METTL15: variants seen among roughly 807,000 people sequenced by gnomAD.
METTL15 encodes 12S rRNA N(4)-cytidine methyltransferase METTL15.
A neutral mutation model predicts 38.3 loss-of-function variants in METTL15; 34 were observed. That is an observed-to-expected ratio of 0.89 (90% CI 0.68 to 1.18). METTL15 has a LOEUF of 1.18. METTL15 is among the 50% of genes most tolerant of loss of function. METTL15 has a pLI of 0.00. For missense variants in METTL15, 438 were observed against 498.4 expected (o/e 0.88, Z 1.15); for synonymous variants, 162 against 170.9 (o/e 0.95, Z 0.41).
At chr11:28,325,966 T>G (rs891458843) in intron 6 of METTL15, among the ~76,000 whole-genome samples, 1 of 152,256 alleles carries the variant, frequency 6.6e-6, no homozygotes, top group Non-Finnish European at 1.5e-5. Flanking sequence ...ACAAAGTCCA[T>G]TGATGGACTA....
At chr11:28,402,661 A>G (rs966640685) in intron 5 of METTL15, among the ~76,000 whole-genome samples, 1 of 151,922 alleles carries the variant, frequency 6.6e-6, no homozygotes, top group African/African-American at 2.4e-5. Flanking sequence ...TAATTTTAAA[A>G]TTTCTAACTT....
chr11:28,474,090 A>T (rs1851324833), intron 6 of METTL15, among the ~76,000 whole-genome samples: 1 of 152,000 alleles, frequency 6.6e-6, no homozygotes. Flanking sequence ...ACATGGAGAG[A>T]TGCACACAAA....
Position 28,194,172 on chromosome 11 carries a change from CTT to C in METTL15, c.271-16886_271-16885del, listed in dbSNP as rs773497873. On this transcript the variant is annotated intron_variant, in intron 3 of 6. Transcript: ENST00000407364. ...TCTTTCTTTCTTTCTTTCTTTCTTTCTTTTTCTCTCTCTCTCTCTCCTCTCTC... is the reference window on the plus strand; with the variant it reads ...TCTTTCTTTCTTTCTTTCTTTCTTTCTTTCTCTCTCTCTCTCTCCTCTCTC... 8.3e-4 allele frequency among the ~76,000 whole-genome samples: 49 copies of C among 59,000 alleles called. No homozygotes were observed. The Middle Eastern group carries it at 0.031, about 37-fold the overall frequency. 38.7% of individuals were successfully genotyped at this position (59,000 alleles called of 152,430 possible). A position where few individuals can be genotyped will look rare whatever the true frequency, so the allele number is the denominator to read the frequency against.
chr11:28,201,499 C>G (rs1285454638), intron 3 of METTL15, among the ~76,000 whole-genome samples: 1 of 151,662 alleles, frequency 6.6e-6, no homozygotes, highest in African/African-American at 2.4e-5. Flanking sequence ...TGACTGTGAA[C>G]CCATCTGGTC....
In METTL15 at chr11:28,432,316, C is replaced by G. The variant is rs147693940; in HGVS notation, c.*424+7952C>G. Among the ~76,000 whole-genome samples, 4 of 152,282 alleles carry G rather than the reference C, an allele frequency of 2.6e-5. No homozygotes were observed. In the East Asian group the frequency reaches 7.7e-4, roughly 29 times the overall value. On this transcript the variant is annotated intron_variant and NMD_transcript_variant, in intron 6 of 7. Transcript: ENST00000532947. ...GTAGTTCAATCAAAGTTAGGTATAT[C>G]TCTTTCTTTTTAAGGAATTAAGTAA...
Position 28,462,706 on chromosome 11 carries a change from C to T in METTL15, c.*424+38342C>T, listed in dbSNP as rs1285173098. 7.2e-5 allele frequency among the ~76,000 whole-genome samples: 11 copies of T among 152,082 alleles called. No individual in the cohort carries two copies. In the East Asian group the frequency reaches 2.1e-3, roughly 29 times the overall value. Reference sequence around the variant, plus strand: ...CCAGTGGGATAGCATCTGAATGGTCCAACTTGGATTCCTATAGGCTTAGAG... The same window carrying T: ...CCAGTGGGATAGCATCTGAATGGTCTAACTTGGATTCCTATAGGCTTAGAG... On this transcript the variant is annotated intron_variant and NMD_transcript_variant, in intron 6 of 7. Transcript: ENST00000532947.
chr11:28,502,462 G>A (rs1480249005), intron 6 of METTL15, among the ~76,000 whole-genome samples: 3 of 152,134 alleles, frequency 2.0e-5, no homozygotes, highest in South Asian at 4.1e-4. Context: ...GGGCTTTTAG[G>A]TCCTAGTTTG....
At chr11:28,389,094 G>C (rs1483887799) in intron 5 of METTL15, among the ~76,000 whole-genome samples, 1 of 151,994 alleles carries the variant, frequency 6.6e-6, no homozygotes, top group Non-Finnish European at 1.5e-5. Flanking sequence ...TAGGATATGT[G>C]GGTTGGTTCC....
chr11:28,210,239 C>G lies in METTL15; in HGVS notation c.271-823C>G, dbSNP rs188166682. Among the ~76,000 whole-genome samples, 509 of 152,042 alleles carry G rather than the reference C, an allele frequency of 3.3e-3. 6 individuals carry two copies. The highest frequency in any genetic ancestry group is 0.012 in the African/African-American group (491 of 41,544). On this transcript the variant is annotated intron_variant, in intron 3 of 6. Coordinates refer to ENST00000407364, the MANE Select transcript of METTL15 (RefSeq NM_001113528.2). ...TGAGTGATTTGTACTTAAGTACATC[C>G]TATCATGTTGTCCTGGCAAAATTAT...
intron 4 of METTL15, among the ~76,000 whole-genome samples, chr11:28,360,713 T>C (rs1280116725): frequency 6.6e-6 from 1 of 151,854 alleles, no homozygotes; most frequent in Non-Finnish European, 1.5e-5. Flanking sequence ...AATGTACCGG[T>C]TAGTTACATA....
intron 6 of METTL15, among the ~76,000 whole-genome samples, chr11:28,486,791 A>G (rs1019843301): frequency 6.6e-6 from 1 of 152,112 alleles, no homozygotes; most frequent in Non-Finnish European, 1.5e-5. Flanking sequence ...TAACTTCTTT[A>G]TCCATTCAGC....
chr11:28,362,324 C>CT (rs1035154339), intron 5 of METTL15, among the ~76,000 whole-genome samples: 13 of 152,012 alleles, frequency 8.6e-5, no homozygotes, highest in South Asian at 8.3e-4. Context: ...CTACTGCTTT[C>CT]TTTTTTTTAA....
chr11:28,336,453 AAG>A (rs531523137), downstream of METTL15, among the ~76,000 whole-genome samples: 326 of 152,284 alleles, frequency 2.1e-3, 1 homozygote, highest in African/African-American at 7.7e-3. Context: ...AGGACTATGA[AAG>A]AGTTTTCTAA....
At chr11:28,418,849 CTT>C (rs1000358003) in intron 5 of METTL15, among the ~76,000 whole-genome samples, 1 of 152,156 alleles carries the variant, frequency 6.6e-6, no homozygotes, top group Non-Finnish European at 1.5e-5. Flanking sequence ...TCAACCAAGA[CTT>C]ATGGAAAGAA....
intron 6 of METTL15, among the ~76,000 whole-genome samples, chr11:28,525,172 G>T (rs944553670): frequency 6.6e-6 from 1 of 152,194 alleles, no homozygotes; most frequent in Non-Finnish European, 1.5e-5. Flanking sequence ...ATTGCAAAGA[G>T]CAAAAGAACA....
At chr11:28,502,593 A>C (rs1851593898) in intron 6 of METTL15, among the ~76,000 whole-genome samples, 1 of 152,232 alleles carries the variant, frequency 6.6e-6, no homozygotes, top group South Asian at 2.1e-4. Flanking sequence ...AAGTGGAAAA[A>C]ACTGACATTT....
rs376535197 is a variant in METTL15 at position 28,405,313 on chromosome 11, T to A, written c.*359-18986T>A. Among the ~76,000 whole-genome samples the A allele has an allele frequency of 8.5e-5, 13 of 152,302 alleles. No homozygotes were observed. The South Asian group carries it at 1.0e-3, about 12-fold the overall frequency. Reference sequence around the variant, plus strand: ...AGATCAATCAGTGTTTTTAAAGAGATAAATAAGGAATTCAAATTAAAAGCA... The same window carrying A: ...AGATCAATCAGTGTTTTTAAAGAGAAAAATAAGGAATTCAAATTAAAAGCA... On this transcript the variant is annotated intron_variant and NMD_transcript_variant, in intron 5 of 7. Transcript: ENST00000532947.
chr11:28,296,826 A>G lies in METTL15; in HGVS notation c.673A>G (p.Thr225Ala). 2.5e-6 allele frequency: 4 copies of G among 1,613,536 alleles called. No homozygotes were observed. Among genetic ancestry groups the G allele is most frequent in the Non-Finnish European group, 3.4e-6 (4 of 1,179,698 alleles). ...DQQALASILR[T>A]YGEEKHAKKI... ...ACAGGCACTTGCATCTATCCTAAGA[A>G]CATACGGGGAGGAGAAGCATGCCAA... Residue 225 changes from threonine to alanine, a missense_variant, in exon 6 of 7, where the codon ACA becomes GCA. By Grantham distance (58) the Thr-to-Ala change is moderately conservative (BLOSUM62 0). Transcript: ENST00000407364.
At chr11:28,242,996 A>G (rs1854362911) in intron 4 of METTL15, among the ~76,000 whole-genome samples, 1 of 152,098 alleles carries the variant, frequency 6.6e-6, no homozygotes, top group Non-Finnish European at 1.5e-5. Context: ...TCTAGCCAGA[A>G]CTGACCCTAT....
Sources: gnomAD v4.1 joint callset for allele counts (sites outside exome capture counted in the v4.1 genomes callset) on GRCh38, gnomAD v4.1.1 for gene constraint, MANE v1.5 for transcripts, NCBI Gene and HGNC (gene_info 2026-07-23, HGNC 2026-07-21) for gene names.